The following MAP4K5 variants were observed in gnomAD, a reference collection of about 807,000 sequenced individuals.
MAP4K5 encodes mitogen-activated protein kinase kinase kinase kinase 5.
In MAP4K5, 82 loss-of-function variants were observed where a neutral mutation model predicts 135.6. The ratio of observed to expected loss-of-function variants is 0.60; its 90% CI spans 0.51 to 0.73. The LOEUF is 0.73. Among genes scored for constraint, MAP4K5 ranks in the 30% least tolerant of loss-of-function variants. MAP4K5 has a pLI of 0.00. For synonymous variants in MAP4K5, 347 were observed against 335.0 expected (o/e 1.04, Z -0.39); for missense variants, 907 against 1,010.9 (o/e 0.90, Z 1.39).
At chr14:50,480,404 T>TC (rs2037211649) in intron 6 of MAP4K5, among the ~76,000 whole-genome samples, 1 of 3,986 alleles carries the variant, frequency 2.5e-4, no homozygotes, top group African/African-American at 2.7e-4. Flanking sequence ...TCATTCTTTC[T>TC]TTTTTTTTTT....
At chr14:50,451,065 A>G (rs1020610430) in intron 14 of MAP4K5, among the ~76,000 whole-genome samples, 2 of 152,228 alleles carry the variant, frequency 1.3e-5, no homozygotes, top group East Asian at 3.8e-4. Context: ...CAGATGGAAT[A>G]GCTCAGTAGA....
chr14:50,509,298 T>G (rs1449023245), intron 2 of MAP4K5, among the ~76,000 whole-genome samples: 1 of 152,158 alleles, frequency 6.6e-6, no homozygotes, highest in Non-Finnish European at 1.5e-5. Context: ...TGACAATATT[T>G]CACTGCCCCT....
At position 50,482,407 on chromosome 14, in the gene MAP4K5, G is replaced by T; in HGVS notation, c.332C>A (p.Pro111Gln). Residue 111 changes from proline to glutamine, a missense_variant, in exon 6 of 33, where the codon CCA (proline) becomes CAA (glutamine). Around this residue, in one of 3 missense-constraint regions of MAP4K5, gnomAD observed 196 missense variants for 189.3 expected, o/e 1.04. Transcript: ENST00000682126. ...SLQDIYHVTG[P>Q]LSELQIAYVC... The stretch of plus-strand genomic sequence containing the variant: ...ATAGGCTATTTGCAATTCTGATAAT[G>T]GTCCAGTAACTAGAAAGAAAAAGAG... 6.6e-7 allele frequency: 1 copy of T among 1,525,862 alleles called. No individual in the cohort carries two copies. Among genetic ancestry groups the T allele is most frequent in the East Asian group, 2.4e-5 (1 of 41,140 alleles). The allele number at this position is 1,525,862 out of a possible 1,614,324, so 94.5% of individuals were successfully genotyped here.
At chr14:50,462,607 A>C in intron 13 of MAP4K5, 58 bp downstream of exon 13, 1 of 1,214,640 alleles carries the variant, frequency 8.2e-7, no homozygotes, top group Non-Finnish European at 1.2e-6. Flanking sequence ...AAAAAAGCAA[A>C]CTTTAAGGCC....
chr14:50,526,140 T>C (rs921937543), intron 2 of MAP4K5, among the ~76,000 whole-genome samples: 1 of 152,196 alleles, frequency 6.6e-6, no homozygotes. Flanking sequence ...GGTCTTCTTT[T>C]AAAAATCCAG....
intron 1 of MAP4K5, among the ~76,000 whole-genome samples, chr14:50,551,627 C>CA (rs1326591519): frequency 6.6e-6 from 1 of 151,972 alleles, no homozygotes; most frequent in African/African-American, 2.4e-5. Context: ...AAAATTGTAA[C>CA]AAAATACTAG....
At chr14:50,542,970 A>T (rs1189125157) in intron 1 of MAP4K5, among the ~76,000 whole-genome samples, 2 of 152,218 alleles carry the variant, frequency 1.3e-5, no homozygotes, top group African/African-American at 4.8e-5. Flanking sequence ...AAGATTTGAG[A>T]TAAGGAAGTC....
At chr14:50,499,800 T>G (rs1166070464) in intron 3 of MAP4K5, among the ~76,000 whole-genome samples, 1 of 152,232 alleles carries the variant, frequency 6.6e-6, no homozygotes, top group African/African-American at 2.4e-5. Context: ...CAGCTCATTG[T>G]GTCTCAGGGA....
chr14:50,532,040 G>C lies in MAP4K5; in HGVS notation c.10C>G (p.Pro4Ala). Residue 4 changes from proline (P) to alanine (A), a missense_variant, in exon 2 of 33, where the codon CCG becomes GCG. Transcript: ENST00000682126. MEA[P>A]LRPAADILRR... is the part of the protein sequence containing the mutation. ...AGGATGTCCGCGGCAGGCCGCAGCGGGGCCTCCATCTTCACTTAGGGCCCG... is the reference window on the plus strand; with the variant it reads ...AGGATGTCCGCGGCAGGCCGCAGCGCGGCCTCCATCTTCACTTAGGGCCCG... 1 of 1,568,306 alleles carries C rather than the reference G, an allele frequency of 6.4e-7. No individual in the cohort carries two copies. Among genetic ancestry groups the C allele is most frequent in the African/African-American group, 1.4e-5 (1 of 73,728 alleles).
rs1359789220 is a variant in MAP4K5, at chr14:50,482,358, T to C, written c.378+3A>G. Reference sequence around the variant, plus strand: ...TTCTAACTATATTAAGAAAATATAGTACCTGTAAGGTTTCTCTGCATACAT... The same window carrying C: ...TTCTAACTATATTAAGAAAATATAGCACCTGTAAGGTTTCTCTGCATACAT... On this transcript the variant is annotated splice_donor_region_variant and intron_variant, in intron 6 of 32. Transcript: ENST00000682126. 7 of 1,487,704 alleles carry C rather than the reference T, an allele frequency of 4.7e-6. No individual in the cohort carries two copies. The highest frequency in any genetic ancestry group is 6.3e-6 in the Non-Finnish European group (7 of 1,117,540). 92.2% of individuals were successfully genotyped at this position (1,487,704 alleles called of 1,614,324 possible). A position where few individuals can be genotyped will look rare whatever the true frequency, so the allele number is the denominator to read the frequency against.
chr14:50,537,629 G>T (rs1448669246), intron 2 of MAP4K5, among the ~76,000 whole-genome samples: 3 of 152,246 alleles, frequency 2.0e-5, no homozygotes, highest in Non-Finnish European at 4.4e-5. Context: ...AGCCACAGGG[G>T]CAGAGCTGCC....
At chr14:50,522,522 G>A (rs2038172872) in intron 2 of MAP4K5, among the ~76,000 whole-genome samples, 1 of 152,062 alleles carries the variant, frequency 6.6e-6, no homozygotes, top group African/African-American at 2.4e-5. Context: ...ATCCACAACA[G>A]TAGCACATCA....
chr14:50,468,531 T>C, intron 10 of MAP4K5, 120 bp downstream of exon 10: 2 of 1,014,766 alleles, frequency 2.0e-6, no homozygotes, highest in Non-Finnish European at 2.8e-6. Flanking sequence ...TACTCCTAAA[T>C]CCCTTACAAT....
At chr14:50,479,202 T>C (rs1271600967) in intron 6 of MAP4K5, among the ~76,000 whole-genome samples, 8 of 150,190 alleles carry the variant, frequency 5.3e-5, no homozygotes, top group Non-Finnish European at 1.2e-4. Flanking sequence ...TTTTTTCTCA[T>C]TTTTGTCCCT....
chr14:50,438,339 G>A (rs2036146529), intron 23 of MAP4K5: 1 of 232,236 alleles, frequency 4.3e-6, no homozygotes, highest in Non-Finnish European at 8.5e-6. Flanking sequence ...GAGTTACAAT[G>A]ATGTACATGT....
intron 1 of MAP4K5, among the ~76,000 whole-genome samples, chr14:50,556,240 C>G (rs2038763901): frequency 6.6e-6 from 1 of 151,932 alleles, no homozygotes; most frequent in Non-Finnish European, 1.5e-5. Context: ...TGTTTTGTTT[C>G]ATTTTTTGAG....
At chr14:50,552,345 A>G (rs1253531155) in intron 1 of MAP4K5, among the ~76,000 whole-genome samples, 1 of 152,208 alleles carries the variant, frequency 6.6e-6, no homozygotes, top group Non-Finnish European at 1.5e-5. Flanking sequence ...GAAAATTACA[A>G]AACACTGAAA....
At chr14:50,521,666 C>CGGG (rs748679273) in intron 2 of MAP4K5, among the ~76,000 whole-genome samples, 134 of 152,238 alleles carry the variant, frequency 8.8e-4, no homozygotes, top group Admixed American at 1.4e-3. Flanking sequence ...TGTTGGAAGG[C>CGGG]GGGGGCCAGT....
Position 50,466,409 on chromosome 14 carries a change from C to T in MAP4K5, c.737+174G>A, listed in dbSNP as rs543168127. ...AAAAAAAAAAAAAAAAAAAAAACTACCAGAAAATAAATCTAGATCCTTGCC... is the reference window on the plus strand; with the variant it reads ...AAAAAAAAAAAAAAAAAAAAAACTATCAGAAAATAAATCTAGATCCTTGCC... On this transcript the variant is annotated intron_variant, in intron 11 of 32. Transcript: ENST00000682126. 2.2e-5 allele frequency among the ~76,000 whole-genome samples: 3 copies of T among 139,190 alleles called. No homozygotes were observed. In the East Asian group the frequency reaches 6.6e-4, roughly 31 times the overall value. The allele number at this position is 139,190 out of a possible 152,430, so 91.3% of individuals were successfully genotyped here.
Sources: gnomAD v4.1 joint callset for allele counts (sites outside exome capture counted in the v4.1 genomes callset) on GRCh38, gnomAD v4.1.1 for gene constraint, gnomAD v4.1.1 regional missense constraint, MANE v1.5 for transcripts, NCBI Gene and HGNC (gene_info 2026-07-23, HGNC 2026-07-21) for gene names.